Variants in ATP2C1 observed in about 807,000 individuals in gnomAD.
The protein encoded by ATP2C1 is ATPase secretory pathway Ca2+ transporting 1, also known as calcium-transporting ATPase type 2C member 1.
Under a neutral mutation model 120.5 loss-of-function variants are expected in ATP2C1, and 31 were observed. The observed-to-expected ratio is 0.26, with a 90% CI of 0.19 to 0.35. The LOEUF (loss-of-function observed/expected upper bound fraction) is 0.35. Ranked by LOEUF, ATP2C1 falls within the 10% of genes least tolerant of loss-of-function variation. The pLI is 1.00. For missense variants in ATP2C1, 731 were observed against 1,107.5 expected, an observed-to-expected ratio of 0.66 and a Z score of 4.83; for synonymous variants, 351 against 358.7, an observed-to-expected ratio of 0.98 and a Z score of 0.24.
intron 6 of ATP2C1, among the ~76,000 whole-genome samples, chr3:130,940,184 G>A (rs1196249887): frequency 2.6e-5 from 4 of 152,094 alleles, no homozygotes; most frequent in African/African-American, 9.7e-5. Flanking sequence ...TGTTCTAATG[G>A]TTTACTTTGT....
At chr3:130,973,294 C>A (rs1245076223) in intron 17 of ATP2C1, among the ~76,000 whole-genome samples, 1 of 152,058 alleles carries the variant, frequency 6.6e-6, no homozygotes, top group Admixed American at 6.6e-5. Flanking sequence ...GGGATAAACA[C>A]AAGACCCATA....
chr3:130,989,286 C>G (rs1309598388), intron 20 of ATP2C1, among the ~76,000 whole-genome samples: 5 of 139,564 alleles, frequency 3.6e-5, no homozygotes, highest in African/African-American at 1.1e-4. Context: ...CACAAAAAAA[C>G]GGCTGGGTGT....
At chr3:130,979,208 C>A in intron 18 of ATP2C1, 41 bp from the exon 19 acceptor site, 1 of 1,602,970 alleles carries the variant, frequency 6.2e-7, no homozygotes, top group South Asian at 1.1e-5. Context: ...TTTCATGACT[C>A]ACTTTTTTTT....
chr3:130,919,908 T>C (rs890465722), intron 2 of ATP2C1, among the ~76,000 whole-genome samples: 3 of 152,212 alleles, frequency 2.0e-5, no homozygotes, highest in Non-Finnish European at 2.9e-5. Context: ...TGAGGTAATA[T>C]TGTGTTGTGG....
chr3:130,993,339 GTGT>G (rs1301872388), intron 21 of ATP2C1, among the ~76,000 whole-genome samples: 1 of 152,184 alleles, frequency 6.6e-6, no homozygotes, highest in Non-Finnish European at 1.5e-5. Context: ...CAAGGAAATA[GTGT>G]TGTGACAGTG....
At chr3:130,857,083 C>T (rs960831586) in intron 1 of ATP2C1, among the ~76,000 whole-genome samples, 1 of 152,082 alleles carries the variant, frequency 6.6e-6, no homozygotes, top group Admixed American at 6.5e-5. Flanking sequence ...TGAAGTTGAA[C>T]TTTAATATTT....
chr3:130,993,987 C>A lies in ATP2C1; in HGVS notation c.1946C>A (p.Ala649Glu). 1 of 1,614,060 alleles carries A rather than the reference C, an allele frequency of 6.2e-7. No individual in the cohort carries two copies. The highest frequency in any genetic ancestry group is 8.5e-7 in the Non-Finnish European group (1 of 1,179,998). ...VAMTGDGVND[A>E]VALKAADIGV... ...ATGACAGGAGATGGAGTAAATGATG[C>A]AGTTGCTCTGAAGGCTGCAGACATT... The change falls in exon 22 of 28, where the codon GCA becomes GAA. Residue 649 changes from alanine to glutamate, a missense_variant. Ala to Glu is a moderately radical substitution (Grantham distance 107). Coordinates refer to ENST00000510168, the MANE Select transcript of ATP2C1 (RefSeq NM_001378687.1).
chr3:130,937,006 A>G (rs916501531), intron 5 of ATP2C1, among the ~76,000 whole-genome samples: 7 of 135,592 alleles, frequency 5.2e-5, no homozygotes, highest in African/African-American at 7.4e-5. Context: ...AAACACTGCT[A>G]TTTTTCTCAC....
At chr3:131,014,247 G>T in intron 26 of ATP2C1, 3 of 1,613,590 alleles carry the variant, frequency 1.9e-6, no homozygotes, top group Non-Finnish European at 2.5e-6. Context: ...GAATATTTCA[G>T]CGGGGGCATA....
chr3:130,967,258 C>T lies in ATP2C1; in HGVS notation c.1218+18C>T, dbSNP rs1406385194. The T allele has an allele frequency of 1.9e-6, 3 of 1,612,034 alleles. 1 individual carries two copies. The South Asian group carries it at 3.3e-5, about 18-fold the overall frequency. ...TTGTTGAGGTAAATATTTTTTTTTCCAAGATGGTGACTTTCTTCATAATAA... is the reference window on the plus strand; with the variant it reads ...TTGTTGAGGTAAATATTTTTTTTTCTAAGATGGTGACTTTCTTCATAATAA... On this transcript the variant is annotated intron_variant, in intron 15 of 27. Coordinates refer to ENST00000510168, the MANE Select transcript of ATP2C1 (RefSeq NM_001378687.1).
intron 16 of ATP2C1, 62 bp downstream of exon 16, chr3:130,967,481 G>T: frequency 7.3e-7 from 1 of 1,370,960 alleles, no homozygotes; most frequent in South Asian, 1.2e-5. Context: ...AGAATGCAGT[G>T]TCATCAATTT....
intron 1 of ATP2C1, among the ~76,000 whole-genome samples, chr3:130,885,148 G>A (rs1358813844): frequency 6.6e-6 from 1 of 151,834 alleles, no homozygotes; most frequent in African/African-American, 2.4e-5. Flanking sequence ...TGGCCAGGCT[G>A]GTCTCAAACT....
In ATP2C1 at chr3:130,894,653, C is replaced by T. The variant is rs2069421872; in HGVS notation, c.-117C>T. On this transcript the variant is annotated 5_prime_UTR_variant, in exon 2 of 28. Transcript: ENST00000510168. The surrounding 1 kb of genome is among the most constrained non-coding windows in gnomAD (Gnocchi z 4.5). ...CGTGGCCGGGAGCGGGGGTGACAGC[C>T]TGGGATTCCGGGGGCTTCTCTTCCT... 1 of 1,608,454 alleles carries T rather than the reference C, an allele frequency of 6.2e-7. No homozygotes were observed. The highest frequency in any genetic ancestry group is 8.5e-7 in the Non-Finnish European group (1 of 1,176,572).
At chr3:131,013,324 T>G (rs2063409962) in intron 26 of ATP2C1, among the ~76,000 whole-genome samples, 1 of 152,226 alleles carries the variant, frequency 6.6e-6, no homozygotes, top group Non-Finnish European at 1.5e-5. Context: ...TCTAACTTTT[T>G]CATTAAAAAA....
Position 130,964,105 on chromosome 3 carries a change from T to A in ATP2C1, c.1024+10T>A. ...ATTGTTGAAACTCTGGGTAAGTCTG[T>A]GTTAAGAGCATTCTTATGCAATGAT... On this transcript the variant is annotated intron_variant, in intron 13 of 27. Coordinates refer to ENST00000510168, the MANE Select transcript of ATP2C1 (RefSeq NM_001378687.1). 6.2e-7 allele frequency: 1 copy of A among 1,611,818 alleles called. No homozygotes were observed. Among genetic ancestry groups the A allele is most frequent in the Non-Finnish European group, 8.5e-7 (1 of 1,178,226 alleles).
In ATP2C1 at chr3:130,937,466, A is replaced by T; in HGVS notation, c.360+3A>T. The T allele has an allele frequency of 6.2e-7, 1 of 1,613,062 alleles. No individual in the cohort carries two copies. The highest frequency in any genetic ancestry group is 2.2e-5 in the East Asian group (1 of 44,856). On this transcript the variant is annotated splice_donor_region_variant and intron_variant, in intron 6 of 27. Transcript: ENST00000510168. ...TTGTTACAGTTGCCTTTGTTCAGGTAAGTACTCTATTTTGCCAACATGAAA... is the reference window on the plus strand; with the variant it reads ...TTGTTACAGTTGCCTTTGTTCAGGTTAGTACTCTATTTTGCCAACATGAAA...
In ATP2C1 at chr3:130,918,397, C is replaced by T. The variant is rs994316951; in HGVS notation, c.7-12019C>T. 17 of 1,233,418 alleles carry T rather than the reference C, an allele frequency of 1.4e-5. No individual in the cohort carries two copies. In the African/African-American group the frequency reaches 2.1e-4, roughly 15 times the overall value. 76.4% of individuals were successfully genotyped at this position (1,233,418 alleles called of 1,614,324 possible). ...TAGTTTTTGTTCCAGGGCTTTCCAG[C>T]TCCAGTTACCTTCTCAGCAGCATGT... On this transcript the variant is annotated intron_variant, in intron 2 of 27. Coordinates refer to ENST00000510168, the MANE Select transcript of ATP2C1 (RefSeq NM_001378687.1).
chr3:130,906,261 T>G (rs183554637), intron 2 of ATP2C1, among the ~76,000 whole-genome samples: 65 of 152,188 alleles, frequency 4.3e-4, no homozygotes, highest in Non-Finnish European at 4.9e-4. Context: ...TAGCCCCTGG[T>G]AACCACTAAT....
intron 1 of ATP2C1, among the ~76,000 whole-genome samples, chr3:130,885,604 T>TA (rs530107071): frequency 0.019 from 2,114 of 112,484 alleles, 30 homozygotes; most frequent in East Asian, 0.083. Flanking sequence ...AAAAACACAT[T>TA]AAAAAAAAGA....
Sources: allele counts gnomAD v4.1 joint callset (sites outside exome capture counted in the v4.1 genomes callset), GRCh38; gene constraint gnomAD v4.1.1; non-coding constraint Gnocchi (gnomAD v3.1); transcripts MANE v1.5; gene names NCBI Gene and HGNC (gene_info 2026-07-23, HGNC 2026-07-21).